The following TEX14 variants were observed in gnomAD, a reference collection of about 807,000 sequenced individuals.
TEX14 encodes the protein inactive serine/threonine-protein kinase TEX14.
Under a neutral mutation model 178.6 loss-of-function variants are expected in TEX14, and 168 were observed. The observed-to-expected ratio is 0.94, with a 90% CI of 0.83 to 1.07. The LOEUF (loss-of-function observed/expected upper bound fraction) is 1.07, where lower values mean the gene tolerates loss of function less well. Among genes scored for constraint, TEX14 ranks in the 50% least tolerant of loss-of-function variants. The pLI is 0.00. For missense variants in TEX14, 1,730 were observed against 1,753.6 expected (o/e 0.99, Z 0.24); for synonymous variants, 626 against 634.1 (o/e 0.99, Z 0.19).
At chr17:58,570,572 A>T in intron 24 of TEX14, 88 bp from the exon 25 acceptor site, 5 of 628,240 alleles carry the variant, frequency 8.0e-6, no homozygotes, top group Non-Finnish European at 1.2e-5. Flanking sequence ...TGTTTTGTTG[A>T]TTAAGTCAAA....
chr17:58,593,479 G>T, intron 15 of TEX14, 76 bp downstream of exon 15: 2 of 1,102,628 alleles, frequency 1.8e-6, no homozygotes, highest in Non-Finnish European at 2.8e-6. Context: ...GACATAAGAA[G>T]ATCACTGAGT....
chr17:58,618,054 G>A (rs1470899172), intron 5 of TEX14, among the ~76,000 whole-genome samples: 4 of 152,182 alleles, frequency 2.6e-5, no homozygotes, highest in Non-Finnish European at 4.4e-5. Flanking sequence ...TCTTGGAACT[G>A]AATTGTCCAT....
chr17:58,631,755 CT>C (rs2046313633), intron 2 of TEX14: 1 of 150,726 alleles, frequency 6.6e-6, no homozygotes, highest in African/African-American at 2.5e-5. Flanking sequence ...ATATCTCCCT[CT>C]CGCGGTTTCC....
chr17:58,607,012 C>CAAAA (rs35155837), intron 10 of TEX14, among the ~76,000 whole-genome samples: 102 of 92,606 alleles, frequency 1.1e-3, no homozygotes, highest in African/African-American at 4.3e-3. Flanking sequence ...GCTACTGTCT[C>CAAAA]AAAAAAAAAA....
At chr17:58,560,336 C>T (rs1170331095) in intron 29 of TEX14, among the ~76,000 whole-genome samples, 3 of 152,222 alleles carry the variant, frequency 2.0e-5, no homozygotes, top group East Asian at 1.9e-4. Flanking sequence ...TAATATTTTC[C>T]CACTAATAGA....
chr17:58,557,735 T>C (rs1676130290), intron 31 of TEX14, 64 bp downstream of exon 31: 2 of 1,335,936 alleles, frequency 1.5e-6, no homozygotes, highest in African/African-American at 2.9e-5. Flanking sequence ...GTAAATGTTT[T>C]TAAGTCTGCT....
intron 2 of TEX14, among the ~76,000 whole-genome samples, chr17:58,641,902 A>G (rs2144612895): frequency 6.6e-6 from 1 of 152,344 alleles, no homozygotes; most frequent in South Asian, 2.1e-4. Context: ...TGCTGGGTAT[A>G]GCATCTGTCA....
At chr17:58,618,303 C>T (rs1160595711) in intron 5 of TEX14, among the ~76,000 whole-genome samples, 1 of 152,124 alleles carries the variant, frequency 6.6e-6, no homozygotes, top group African/African-American at 2.4e-5. Flanking sequence ...ACATCTTGTC[C>T]AGTTTTTTCA....
intron 6 of TEX14, 118 bp downstream of exon 6, chr17:58,617,420 G>C (rs2045897665): frequency 1.4e-6 from 1 of 712,480 alleles, no homozygotes; most frequent in Non-Finnish European, 2.4e-6. Flanking sequence ...GGGCAAAAAA[G>C]AAAAGAACAA....
chr17:58,685,092 A>G (rs918773435), intron 1 of TEX14, among the ~76,000 whole-genome samples: 2 of 152,178 alleles, frequency 1.3e-5, no homozygotes, highest in African/African-American at 2.4e-5. Context: ...TCCATTTATA[A>G]TTTTGTATAG....
At chr17:58,590,881 G>T (rs1160250255) in intron 15 of TEX14, among the ~76,000 whole-genome samples, 1 of 145,190 alleles carries the variant, frequency 6.9e-6, no homozygotes, top group Non-Finnish European at 1.5e-5. Context: ...AGTTTACAGG[G>T]TTTTTTTTTT....
chr17:58,659,694 T>C (rs925439980), intron 1 of TEX14, among the ~76,000 whole-genome samples: 5 of 152,186 alleles, frequency 3.3e-5, no homozygotes, highest in Non-Finnish European at 2.9e-5. Context: ...ACTTTTGTTA[T>C]TTTTTCAGAG....
rs1190431899 is a variant in TEX14 at position 58,685,713 on chromosome 17, G to A, written c.-2+6226C>T. On this transcript the variant is annotated intron_variant, in intron 1 of 31. Transcript: ENST00000349033. ...CTTTATCCTAAGAGCAAAATAAGGC[G>A]AGGTGCGGTGCCTCATGCCTGTAAT... Among the ~76,000 whole-genome samples, 4 of 151,680 alleles carry A rather than the reference G, an allele frequency of 2.6e-5. 1 individual carries two copies. Among genetic ancestry groups the A allele is most frequent in the South Asian group, 2.1e-4 (1 of 4,788 alleles).
chr17:58,662,415 T>A lies in TEX14; in HGVS notation c.-1-10413A>T, dbSNP rs113327492. 8.9e-3 allele frequency among the ~76,000 whole-genome samples: 1,020 copies of A among 114,994 alleles called. 10 individuals carry two copies. The highest frequency in any genetic ancestry group is 0.015 in the Non-Finnish European group (678 of 45,964). The allele number at this position is 114,994 out of a possible 152,430, so 75.4% of individuals were successfully genotyped here. ...TGTACAGATATATAGCACACATATC[T>A]CACACACACACACACACACACACAC... On this transcript the variant is annotated intron_variant, in intron 1 of 31. Coordinates refer to ENST00000349033, the MANE Select transcript of TEX14 (RefSeq NM_031272.5).
At position 58,587,839 on chromosome 17, in the gene TEX14, C is replaced by T. The variant is rs138938613; in HGVS notation, c.2702+57G>A. On this transcript the variant is annotated intron_variant, in intron 16 of 31. Transcript: ENST00000349033. Reference sequence around the variant, plus strand: ...ACCCCTTTGCACCAGCAGAGGGTGCCAGAACCCACCCCCACCCCCGCTCCA... The same window carrying T: ...ACCCCTTTGCACCAGCAGAGGGTGCTAGAACCCACCCCCACCCCCGCTCCA... The T allele has an allele frequency of 1.7e-5, 23 of 1,380,376 alleles. 1 individual carries two copies. In the East Asian group the frequency reaches 5.3e-4, roughly 32 times the overall value. The allele number at this position is 1,380,376 out of a possible 1,614,324, so 85.5% of individuals were successfully genotyped here.
Position 58,577,397 on chromosome 17 carries a change from A to T in TEX14, c.3298T>A (p.Ser1100Thr). The T allele has an allele frequency of 6.7e-7, 1 of 1,500,036 alleles. No individual in the cohort carries two copies. The highest frequency in any genetic ancestry group is 8.9e-7 in the Non-Finnish European group (1 of 1,117,430). The allele number at this position is 1,500,036 out of a possible 1,614,324, so 92.9% of individuals were successfully genotyped here. A position where few individuals can be genotyped will look rare whatever the true frequency, so the allele number is the denominator to read the frequency against. ...LGKNAEILPRSQFQPVRSTED... is the reference protein window; with the variant it reads ...LGKNAEILPRTQFQPVRSTED... ...TACCTTCGTACAGGTTGAAATTGAG[A>T]CCTGGGCAAAATCTCAGCATTCTTT... is the stretch of plus-strand genomic sequence containing the variant. Residue 1100 changes from serine (S) to threonine (T), a missense_variant, in exon 21 of 32, where the codon TCT (serine) becomes ACT (threonine). Transcript: ENST00000349033.
At position 58,641,488 on chromosome 17, in the gene TEX14, T is replaced by TTTATTATTATTATTATTATTA. The variant is rs373086043; in HGVS notation, c.136+10357_136+10377dup. On this transcript the variant is annotated intron_variant, in intron 2 of 31. Coordinates refer to ENST00000349033, the MANE Select transcript of TEX14 (RefSeq NM_031272.5). ...CATTCTTTTCTTTCTTTCTCTTTTA[T>TTTATTATTATTATTATTATTA]TTATTATTATTATTATTATTATTAT... Among the ~76,000 whole-genome samples the TTTATTATTATTATTATTATTA allele has an allele frequency of 7.2e-4, 103 of 143,640 alleles. 1 individual carries two copies. The highest frequency in any genetic ancestry group is 2.2e-3 in the African/African-American group (87 of 39,236). 94.2% of individuals were successfully genotyped at this position (143,640 alleles called of 152,430 possible). A position where few individuals can be genotyped will look rare whatever the true frequency, so the allele number is the denominator to read the frequency against.
intron 1 of TEX14, among the ~76,000 whole-genome samples, chr17:58,667,479 G>A (rs1055203523): frequency 6.6e-6 from 1 of 152,128 alleles, no homozygotes; most frequent in Admixed American, 6.5e-5. Context: ...AATACTAACA[G>A]CTAACATCTA....
intron 5 of TEX14, among the ~76,000 whole-genome samples, chr17:58,617,977 G>A (rs1461137085): frequency 6.6e-6 from 1 of 152,154 alleles, no homozygotes; most frequent in East Asian, 1.9e-4. Flanking sequence ...ATGATATGAG[G>A]ACATTCAAGC....
Sources: gnomAD v4.1 joint callset for allele counts (sites outside exome capture counted in the v4.1 genomes callset) on GRCh38, gnomAD v4.1.1 for gene constraint, MANE v1.5 for transcripts, NCBI Gene and HGNC (gene_info 2026-07-23, HGNC 2026-07-21) for gene names.